Variants in SLC5A6 observed in about 807,000 individuals in gnomAD.
The protein encoded by SLC5A6 is sodium-dependent multivitamin transporter.
In SLC5A6, 31 loss-of-function variants were observed where a neutral mutation model predicts 67.9. The ratio of observed to expected loss-of-function variants is 0.46; its 90% CI spans 0.34 to 0.62. The LOEUF is 0.62. Among genes scored for constraint, SLC5A6 ranks in the 20% least tolerant of loss-of-function variants. The pLI is 0.01. For missense variants in SLC5A6, 673 were observed against 812.8 expected, an observed-to-expected ratio of 0.83 and a Z score of 2.09; for synonymous variants, 343 against 331.0, an observed-to-expected ratio of 1.04 and a Z score of -0.39.
At position 27,201,826 on chromosome 2, in the gene SLC5A6, C is replaced by T. The variant is rs376060817; in HGVS notation, c.1384G>A (p.Ala462Thr). ...NPPGAVVGLL[A>T]GLVMAFWIGI... is the part of the protein sequence containing the mutation. ...ATCCAGAAGGCCATGACGAGCCCAG[C>T]CAACAGGCCCACAACAGCACCCTGC... The change falls in exon 14 of 17, where the codon GCT (alanine) becomes ACT (threonine). Residue 462 changes from alanine (A) to threonine (T), a missense_variant. By Grantham distance (58) the Ala-to-Thr change is moderately conservative. Coordinates refer to ENST00000310574, the MANE Select transcript of SLC5A6 (RefSeq NM_021095.4). The T allele has an allele frequency of 1.9e-6, 3 of 1,614,116 alleles. No homozygotes were observed. Among genetic ancestry groups the T allele is most frequent in the Non-Finnish European group, 1.7e-6 (2 of 1,179,978 alleles).
intron 6 of SLC5A6, 149 bp downstream of exon 6, chr2:27,205,877 G>T: frequency 1.5e-6 from 1 of 678,412 alleles, no homozygotes; most frequent in Non-Finnish European, 2.6e-6. Context: ...CATCCCCACT[G>T]CTAAATCCTA....
intron 10 of SLC5A6, among the ~76,000 whole-genome samples, chr2:27,203,549 G>C (rs1398768415): frequency 6.6e-6 from 1 of 152,004 alleles, no homozygotes. Context: ...GGTTTCATTC[G>C]AGTAGATCAA....
chr2:27,201,069 C>A lies in SLC5A6; in HGVS notation c.1693G>T (p.Val565Leu). ...RSLNPATIYP[V>L]LPKLLSLLPL... ...AGGAGGGACAGGAGCTTTGGCAACA[C>A]TGGGTAAATGGTTGCAGGGTTCAGG... is the stretch of plus-strand genomic sequence containing the variant. The change falls in exon 16 of 17, where the codon GTG (valine) becomes TTG (leucine). Residue 565 changes from valine to leucine, a missense_variant. Physicochemically the swap from Val to Leu is conservative, Grantham distance 32. Transcript: ENST00000310574. 2 of 1,613,886 alleles carry A rather than the reference C, an allele frequency of 1.2e-6. No homozygotes were observed. Among genetic ancestry groups the A allele is most frequent in the Non-Finnish European group, 1.7e-6 (2 of 1,179,904 alleles).
intron 4 of SLC5A6, 55 bp from the exon 5 acceptor site, chr2:27,206,589 G>A: frequency 1.3e-6 from 2 of 1,525,558 alleles, no homozygotes; most frequent in Non-Finnish European, 1.8e-6. Flanking sequence ...GAAGAGAGAG[G>A]AAGAAAGATG....
At chr2:27,212,280 G>A (rs1206021633), upstream of SLC5A6, 2 of 1,554,142 alleles carry the variant, frequency 1.3e-6, no homozygotes, top group Middle Eastern at 1.7e-4. Flanking sequence ...GGCCGCTTAG[G>A]CCACGCCCGG....
chr2:27,210,597 ATTTT>A (rs764572434), intron 2 of SLC5A6, among the ~76,000 whole-genome samples: 1 of 138,812 alleles, frequency 7.2e-6, no homozygotes, highest in African/African-American at 2.6e-5. Context: ...CGCCCAGCTA[ATTTT>A]TTTTTTTTTT....
chr2:27,208,797 C>A (rs1572398777), intron 2 of SLC5A6: 2 of 152,658 alleles, frequency 1.3e-5, no homozygotes, highest in Non-Finnish European at 1.5e-5. Context: ...ACCCTATGGC[C>A]CCCAAACTCC....
intron 13 of SLC5A6, 34 bp downstream of exon 13, chr2:27,201,954 T>C (rs560652170): frequency 1.2e-6 from 2 of 1,608,606 alleles, no homozygotes; most frequent in East Asian, 2.2e-5. Context: ...TCCATCCTGC[T>C]ACACATGACT....
In SLC5A6 at chr2:27,203,261, G is replaced by T. The variant is rs781074215; in HGVS notation, c.1179C>A (p.Ala393=). ...GGCCTCTGGAAAGCATGATGGCCCG[G>T]GCTTCAGAGAACTCAGGGAACCAAG... ...IRPWFPEFSE[A]RAIMLSRGLA... The change falls in exon 11 of 17, where the codon GCC becomes GCA. Residue 393 remains alanine, a synonymous_variant. Coordinates refer to ENST00000310574, the MANE Select transcript of SLC5A6 (RefSeq NM_021095.4). 6.2e-7 allele frequency: 1 copy of T among 1,614,060 alleles called. No individual in the cohort carries two copies. The highest frequency in any genetic ancestry group is 2.2e-5 in the East Asian group (1 of 44,876).
intron 12 of SLC5A6, 110 bp from the exon 13 acceptor site, chr2:27,202,184 T>A: frequency 1.3e-6 from 1 of 775,486 alleles, no homozygotes; most frequent in Non-Finnish European, 2.3e-6. Flanking sequence ...ACTTGTCAGA[T>A]CTGTCTCTTC....
chr2:27,212,352 C>T (rs373432775), upstream of SLC5A6: 7 of 1,550,084 alleles, frequency 4.5e-6, no homozygotes, highest in African/African-American at 6.8e-5. Flanking sequence ...AGCAGCGGAG[C>T]ACCAAGGGAA....
At chr2:27,201,135 A>T (rs1012435524) in intron 15 of SLC5A6, 22 bp from the exon 16 acceptor site, 8 of 1,575,450 alleles carry the variant, frequency 5.1e-6, no homozygotes, top group Non-Finnish European at 7.0e-6. Flanking sequence ...TGTGCTTCTG[A>T]GTCTCTGGGT....
chr2:27,203,860 A>G lies in SLC5A6; in HGVS notation c.1013T>C (p.Leu338Pro). 1 of 1,613,706 alleles carries G rather than the reference A, an allele frequency of 6.2e-7. No individual in the cohort carries two copies. The highest frequency in any genetic ancestry group is 8.5e-7 in the Non-Finnish European group (1 of 1,179,640). ...QAQAAPDQFV[L>P]YFVMDLLKGL... ...CTTCAGGAGATCCATCACAAAGTAC[A>G]GGACGAACTGCAAGCAGAGCGGAGG... The change falls in exon 10 of 17, where the codon CTG becomes CCG. Residue 338 changes from leucine to proline, a missense_variant. Physicochemically the swap from Leu to Pro is moderately conservative, Grantham distance 98. Coordinates refer to ENST00000310574, the MANE Select transcript of SLC5A6 (RefSeq NM_021095.4).
At chr2:27,202,746 T>G (rs1423162646) in intron 12 of SLC5A6, 67 bp downstream of exon 12, 13 of 1,405,168 alleles carry the variant, frequency 9.3e-6, no homozygotes, top group Admixed American at 3.4e-5. Flanking sequence ...GCTGCCCTTC[T>G]CAACTTCCTG....
intron 1 of SLC5A6, chr2:27,211,807 T>G (rs1028752990): frequency 5.1e-6 from 1 of 197,276 alleles, no homozygotes; most frequent in Non-Finnish European, 1.0e-5. Context: ...GGAGGCCGGC[T>G]CGCTCCGCCC....
chr2:27,207,547 A>G lies in SLC5A6; in HGVS notation c.104T>C (p.Leu35Pro). ...SIMDYVVFVLLLVLSLAIGLY... is the reference protein window; with the variant it reads ...SIMDYVVFVLPLVLSLAIGLY... Reference sequence around the variant, plus strand: ...CCCAATGGCAAGAGAGAGAACCAGCAGCAGGACGAACACCACATAGTCCAT... The same window carrying G: ...CCCAATGGCAAGAGAGAGAACCAGCGGCAGGACGAACACCACATAGTCCAT... The change falls in exon 3 of 17, where the codon CTG becomes CCG. Residue 35 changes from leucine to proline, a missense_variant. By Grantham distance (98) the Leu-to-Pro change is moderately conservative. Coordinates refer to ENST00000310574, the MANE Select transcript of SLC5A6 (RefSeq NM_021095.4). The surrounding 1 kb of genome is among the most constrained non-coding windows in gnomAD (Gnocchi z 5.5). The G allele has an allele frequency of 6.2e-7, 1 of 1,614,282 alleles. No individual in the cohort carries two copies. Among genetic ancestry groups the G allele is most frequent in the African/African-American group, 1.3e-5 (1 of 75,080 alleles).
intron 7 of SLC5A6, 120 bp downstream of exon 7, chr2:27,205,230 C>G: frequency 1.0e-6 from 1 of 1,004,792 alleles, no homozygotes; most frequent in Non-Finnish European, 1.5e-6. Context: ...TTCCCACTGT[C>G]TGCTGTTACA....
At chr2:27,203,112 T>C (rs988025922) in intron 11 of SLC5A6, 121 bp downstream of exon 11, 29 of 1,533,554 alleles carry the variant, frequency 1.9e-5, no homozygotes, top group African/African-American at 4.2e-5. Flanking sequence ...GAAGGTTGTG[T>C]GCTTCATTAG....
At chr2:27,200,864 G>C (rs912752824) in intron 16 of SLC5A6, 134 bp downstream of exon 16, 4 of 650,256 alleles carry the variant, frequency 6.2e-6, no homozygotes, top group East Asian at 2.7e-5. Flanking sequence ...AGCCGTGTGG[G>C]ACAGCCTAGG....
Sources: gnomAD v4.1 joint callset for allele counts (sites outside exome capture counted in the v4.1 genomes callset) on GRCh38, gnomAD v4.1.1 for gene constraint, Gnocchi (gnomAD v3.1) non-coding constraint, MANE v1.5 for transcripts, NCBI Gene and HGNC (gene_info 2026-07-23, HGNC 2026-07-21) for gene names.